The following USH2A variants were observed in gnomAD, a reference collection of about 807,000 sequenced individuals.
USH2A encodes Usher syndrome 2A (autosomal recessive, mild).
Under a neutral mutation model 538.9 loss-of-function variants are expected in USH2A, and 443 were observed. The ratio of observed to expected loss-of-function variants is 0.82; its 90% confidence interval spans 0.76 to 0.89. The LOEUF (loss-of-function observed/expected upper bound fraction) is 0.89. USH2A is among the 40% of genes least tolerant of loss of function. The pLI, the probability that USH2A is intolerant of heterozygous loss-of-function variation, is 0.00. For missense variants in USH2A, 6,633 were observed against 6,324.8 expected (o/e 1.05, Z -1.65); for synonymous variants, 2,413 against 2,273.5 (o/e 1.06, Z -1.75).
intron 44 of USH2A, among the ~76,000 whole-genome samples, chr1:215,865,839 T>C (rs1664454636): frequency 6.6e-6 from 1 of 152,194 alleles, no homozygotes. Context: ...ATAATTGATA[T>C]CCTCAATTCT....
chr1:215,790,970 G>A (rs111927386), intron 50 of USH2A, among the ~76,000 whole-genome samples: 7 of 152,216 alleles, frequency 4.6e-5, no homozygotes, highest in African/African-American at 1.7e-4. Flanking sequence ...GACAGGCTGG[G>A]GGCAGCCGCA....
intron 21 of USH2A, among the ~76,000 whole-genome samples, chr1:216,162,820 T>C (rs1410070913): frequency 1.3e-5 from 2 of 152,072 alleles, no homozygotes; most frequent in African/African-American, 4.8e-5. Context: ...GTGAAATCTC[T>C]ACTTAGCTCC....
At chr1:216,346,799 G>A (rs181168642) in intron 4 of USH2A, among the ~76,000 whole-genome samples, 57 of 151,840 alleles carry the variant, frequency 3.8e-4, no homozygotes, top group African/African-American at 1.2e-3. Context: ...GCTCCACCCT[G>A]AAGCCAGTAA....
chr1:215,926,300 G>A (rs1666237345), intron 38 of USH2A, among the ~76,000 whole-genome samples: 1 of 150,962 alleles, frequency 6.6e-6, no homozygotes. Flanking sequence ...GTCTTAGAAA[G>A]AGATTTTGGT....
intron 35 of USH2A, among the ~76,000 whole-genome samples, chr1:215,985,888 T>A (rs1204663090): frequency 6.6e-6 from 1 of 152,156 alleles, no homozygotes; most frequent in Non-Finnish European, 1.5e-5. Context: ...TCTATTGTCT[T>A]CAAGGTACTA....
At chr1:215,809,718 A>G (rs547985854) in intron 49 of USH2A, among the ~76,000 whole-genome samples, 1 of 152,254 alleles carries the variant, frequency 6.6e-6, no homozygotes, top group South Asian at 2.1e-4. Context: ...AAAGGGAGAG[A>G]AATGAGCATT....
chr1:215,690,108 A>C (rs923535027), intron 61 of USH2A, among the ~76,000 whole-genome samples: 1 of 152,184 alleles, frequency 6.6e-6, no homozygotes, highest in Non-Finnish European at 1.5e-5. Flanking sequence ...CAGAGGTGCA[A>C]GTGGGTTCCA....
chr1:215,625,953 G>T, intron 71 of USH2A, 83 bp from the exon 72 acceptor site: 2 of 1,363,066 alleles, frequency 1.5e-6, no homozygotes, highest in South Asian at 2.4e-5. Context: ...TCAATTAAGT[G>T]TAAAAAGTAA....
At chr1:215,934,829 A>T (rs781181466) in intron 37 of USH2A, 34 bp from the exon 38 acceptor site, 3 of 1,537,000 alleles carry the variant, frequency 2.0e-6, no homozygotes, top group East Asian at 2.5e-5. Flanking sequence ...AAATAAATAC[A>T]TATTTAAGAA....
At chr1:215,684,588 T>C (rs1658346904) in intron 61 of USH2A, among the ~76,000 whole-genome samples, 1 of 152,204 alleles carries the variant, frequency 6.6e-6, no homozygotes, top group Non-Finnish European at 1.5e-5. Context: ...GGAATCTTTT[T>C]ACCCTGCTCC....
At chr1:216,056,018 T>C (rs543550355) in intron 30 of USH2A, among the ~76,000 whole-genome samples, 2 of 152,318 alleles carry the variant, frequency 1.3e-5, no homozygotes, top group African/African-American at 4.8e-5. Context: ...TTATAAAATA[T>C]GTGGTCTAAT....
chr1:215,738,668 C>A (rs1168711466), intron 60 of USH2A, among the ~76,000 whole-genome samples: 1 of 152,030 alleles, frequency 6.6e-6, no homozygotes, highest in African/African-American at 2.4e-5. Context: ...GATTCAGGGT[C>A]TTGGTGAGAA....
chr1:216,168,593 G>C (rs1030826135), intron 21 of USH2A, among the ~76,000 whole-genome samples: 1 of 152,084 alleles, frequency 6.6e-6, no homozygotes, highest in Admixed American at 6.6e-5. Context: ...CTTCTTGCCT[G>C]GGGACCTGTC....
chr1:215,813,895 T>C lies in USH2A; in HGVS notation c.9580A>G (p.Asn3194Asp). Residue 3194 changes from asparagine (N) to aspartate (D), a missense_variant, in exon 49 of 72, where the codon AAC becomes GAC. Transcript: ENST00000307340. ...CYSSEAKVCC[N>D]GVLYNPKPGH... is the part of the protein sequence containing the mutation. Reference sequence around the variant, plus strand: ...GGCTTGGGGTTATAGAGCACTCCGTTACAACAAACCTGAAAGTTTGAAAAC... The same window carrying C: ...GGCTTGGGGTTATAGAGCACTCCGTCACAACAAACCTGAAAGTTTGAAAAC... 6.2e-7 allele frequency: 1 copy of C among 1,613,736 alleles called. No individual in the cohort carries two copies. The highest frequency in any genetic ancestry group is 8.5e-7 in the Non-Finnish European group (1 of 1,179,740).
intron 47 of USH2A, among the ~76,000 whole-genome samples, chr1:215,819,527 A>G (rs1288292097): frequency 6.6e-6 from 1 of 151,912 alleles, no homozygotes; most frequent in Non-Finnish European, 1.5e-5. Context: ...GATGACTTGT[A>G]CAGCCACAGC....
chr1:215,762,566 C>T (rs1661009226), intron 56 of USH2A, among the ~76,000 whole-genome samples: 1 of 152,088 alleles, frequency 6.6e-6, no homozygotes, highest in Non-Finnish European at 1.5e-5. Context: ...GTATATATAA[C>T]TAGAAAGTGC....
intron 47 of USH2A, among the ~76,000 whole-genome samples, chr1:215,829,403 T>G (rs1261247791): frequency 2.0e-5 from 3 of 152,204 alleles, no homozygotes; most frequent in Non-Finnish European, 4.4e-5. Context: ...ATGCTATCTG[T>G]ATGTTATTGA....
chr1:216,050,560 T>TTTTCTTTCCTTCTTTCTTTCTTTC (rs1553294761), intron 30 of USH2A, among the ~76,000 whole-genome samples: 1 of 35,694 alleles, frequency 2.8e-5, no homozygotes, highest in African/African-American at 7.4e-5. Flanking sequence ...ATTTGTATCT[T>TTTTCTTTCCTTCTTTCTTTCTTTC]TTTCTTTCTT....
chr1:215,917,471 C>T (rs2102485286), intron 38 of USH2A, among the ~76,000 whole-genome samples: 1 of 151,940 alleles, frequency 6.6e-6, no homozygotes, highest in Non-Finnish European at 1.5e-5. Context: ...TCTAATATTG[C>T]TCATTGACTT....
Sources: allele counts gnomAD v4.1 joint callset (sites outside exome capture counted in the v4.1 genomes callset), GRCh38; gene constraint gnomAD v4.1.1; transcripts MANE v1.5; gene names NCBI Gene and HGNC (gene_info 2026-07-23, HGNC 2026-07-21).